The following CTPS1 variants were observed in gnomAD, a reference collection of about 807,000 sequenced individuals.
CTPS1 encodes CTP synthase 1.
Under a neutral mutation model 80.5 loss-of-function variants are expected in CTPS1, and 25 were observed. The ratio of observed to expected loss-of-function variants is 0.31; its 90% confidence interval spans 0.23 to 0.43. CTPS1 has a LOEUF of 0.43. Ranked by LOEUF, CTPS1 falls within the 20% of genes least tolerant of loss-of-function variation. CTPS1 has a pLI of 1.00. For missense variants in CTPS1, 442 were observed against 725.7 expected, an observed-to-expected ratio of 0.61 and a Z score of 4.49; for synonymous variants, 267 against 252.5, an observed-to-expected ratio of 1.06 and a Z score of -0.54.
rs1342152067 is a variant in CTPS1, at chr1:41,011,817, T to A, written c.*169T>A. 1.3e-5 allele frequency: 2 copies of A among 152,190 alleles called. No individual in the cohort carries two copies. Among genetic ancestry groups the A allele is most frequent in the Non-Finnish European group, 2.9e-5 (2 of 68,040 alleles). The allele number at this position is 152,190 out of a possible 1,614,324, so 9.4% of individuals were successfully genotyped here. ...TGTCACTTGCATGTCCCATCACGTG[T>A]ACTGGCTCCTCTGTGGTGTCTGCCT... On this transcript the variant is annotated 3_prime_UTR_variant, in exon 19 of 19. Coordinates refer to ENST00000650070, the MANE Select transcript of CTPS1 (RefSeq NM_001905.4).
At chr1:40,989,822 A>G (rs2148395732) in intron 5 of CTPS1, among the ~76,000 whole-genome samples, 1 of 152,350 alleles carries the variant, frequency 6.6e-6, no homozygotes, top group African/African-American at 2.4e-5. Context: ...AACAGAAAAG[A>G]ATCCTTGGAA....
At chr1:40,997,645 C>A in intron 9 of CTPS1, 119 bp downstream of exon 9, 1 of 1,245,018 alleles carries the variant, frequency 8.0e-7, no homozygotes, top group Non-Finnish European at 1.1e-6. Context: ...TAAGGAATTA[C>A]TTTTTAAGGA....
chr1:40,980,323 C>T (rs994922102), intron 1 of CTPS1: 3 of 151,966 alleles, frequency 2.0e-5, no homozygotes, highest in Admixed American at 1.3e-4. Context: ...CGGGGCTGGG[C>T]GCGGCAGCTC....
rs767739876 is a variant in CTPS1 at position 40,987,341 on chromosome 1, G to C, written c.338-31G>C. 75 of 1,511,116 alleles carry C rather than the reference G, an allele frequency of 5.0e-5. No individual in the cohort carries two copies. The East Asian group carries it at 1.4e-3, about 29-fold the overall frequency. The allele number at this position is 1,511,116 out of a possible 1,614,324, so 93.6% of individuals were successfully genotyped here. The stretch of plus-strand genomic sequence containing the variant: ...TCTCAATCAATGTAGATGGACAAGC[G>C]TAAGTTCCCTGTTTGTTTTCTTTTT... On this transcript the variant is annotated intron_variant, in intron 3 of 18. Coordinates refer to ENST00000650070, the MANE Select transcript of CTPS1 (RefSeq NM_001905.4).
intron 9 of CTPS1, chr1:41,000,758 G>A (rs1197367036): frequency 3.8e-5 from 7 of 182,346 alleles, no homozygotes; most frequent in South Asian, 1.4e-4. Flanking sequence ...GCTGAGACCC[G>A]ATCCTGAACA....
chr1:40,997,947 C>T (rs977813349), intron 9 of CTPS1, among the ~76,000 whole-genome samples: 71 of 152,136 alleles, frequency 4.7e-4, no homozygotes, highest in African/African-American at 1.6e-3. Flanking sequence ...ATTGACCTCA[C>T]GGAGCTGTGA....
At chr1:40,985,281 C>T (rs1202598116) in intron 3 of CTPS1, among the ~76,000 whole-genome samples, 2 of 152,198 alleles carry the variant, frequency 1.3e-5, no homozygotes, top group African/African-American at 4.8e-5. Flanking sequence ...TGTTTTTACA[C>T]AGTAATGAGT....
In CTPS1 at chr1:41,007,122, C is replaced by T. The variant is rs189881702; in HGVS notation, c.1297-327C>T. 5.4e-3 allele frequency among the ~76,000 whole-genome samples: 820 copies of T among 152,298 alleles called. 5 individuals carry two copies. Among genetic ancestry groups the T allele is most frequent in the Non-Finnish European group, 8.3e-3 (567 of 68,012 alleles). ...GGGCGATGACAGACATGTTATGACA[C>T]ATCCAGTCCGTGTCTGTGCTACTGT... On this transcript the variant is annotated intron_variant, in intron 13 of 18. Coordinates refer to ENST00000650070, the MANE Select transcript of CTPS1 (RefSeq NM_001905.4). This position sits in a 1 kb window ranked among gnomAD's most constrained non-coding sequence, Gnocchi z 4.4.
Position 41,000,943 on chromosome 1 carries a change from A to T in CTPS1, c.1006-86A>T, listed in dbSNP as rs1404609508. 8 of 812,588 alleles carry T rather than the reference A, an allele frequency of 9.8e-6. No individual in the cohort carries two copies. The African/African-American group carries it at 1.2e-4, about 13-fold the overall frequency. The allele number at this position is 812,588 out of a possible 1,614,324, so 50.3% of individuals were successfully genotyped here. The stretch of plus-strand genomic sequence containing the variant: ...GCCAGAATCAAGAAAGACAACTTTG[A>T]TAAAATGATAATATTATTTAAAAAT... On this transcript the variant is annotated intron_variant, in intron 9 of 18. Transcript: ENST00000650070.
intron 16 of CTPS1, 78 bp from the exon 17 acceptor site, chr1:41,009,367 A>G: frequency 2.9e-6 from 4 of 1,398,536 alleles, no homozygotes; most frequent in Middle Eastern, 1.9e-4. Flanking sequence ...GGAAACAAAC[A>G]TTTAAGCAGA....
intron 5 of CTPS1, among the ~76,000 whole-genome samples, chr1:40,989,876 A>C (rs1192901350): frequency 1.3e-5 from 2 of 152,228 alleles, no homozygotes; most frequent in South Asian, 4.1e-4. Context: ...AGAGAAAGTA[A>C]GTTGAGGAAA....
intron 1 of CTPS1, 87 bp from the exon 2 acceptor site, chr1:40,983,191 A>C: frequency 9.0e-7 from 1 of 1,114,036 alleles, no homozygotes; most frequent in East Asian, 2.5e-5. Context: ...GTTCATAGCT[A>C]ATAATTGGCA....
chr1:40,991,876 G>A, intron 7 of CTPS1, 31 bp downstream of exon 7: 1 of 1,550,658 alleles, frequency 6.4e-7, no homozygotes, highest in African/African-American at 1.4e-5. Flanking sequence ...CTAATAAGTT[G>A]TTTTTTGCTT....
intron 1 of CTPS1, chr1:40,980,313 C>T (rs902004022): frequency 6.6e-6 from 1 of 151,974 alleles, no homozygotes. Flanking sequence ...CTCAGCCGCC[C>T]GGGGCTGGGC....
At chr1:40,992,776 C>G (rs190089133) in intron 7 of CTPS1, among the ~76,000 whole-genome samples, 1 of 150,430 alleles carries the variant, frequency 6.6e-6, no homozygotes, top group African/African-American at 2.4e-5. Flanking sequence ...TCACTGTGAC[C>G]TCCACCTCCC....
At chr1:41,001,758 C>T (rs1642910128) in intron 10 of CTPS1, among the ~76,000 whole-genome samples, 1 of 152,000 alleles carries the variant, frequency 6.6e-6, no homozygotes, top group Admixed American at 6.6e-5. Flanking sequence ...ACAAAAACAA[C>T]AAAACCAGCT....
At position 41,007,589 on chromosome 1, in the gene CTPS1, C is replaced by A; in HGVS notation, c.1393+44C>A. 6.5e-7 allele frequency: 1 copy of A among 1,529,552 alleles called. No individual in the cohort carries two copies. The highest frequency in any genetic ancestry group is 9.0e-7 in the Non-Finnish European group (1 of 1,105,070). The allele number at this position is 1,529,552 out of a possible 1,614,324, so 94.7% of individuals were successfully genotyped here. A position where few individuals can be genotyped will look rare whatever the true frequency, so the allele number is the denominator to read the frequency against. On this transcript the variant is annotated intron_variant, in intron 14 of 18. Coordinates refer to ENST00000650070, the MANE Select transcript of CTPS1 (RefSeq NM_001905.4). The surrounding 1 kb of genome is among the most constrained non-coding windows in gnomAD (Gnocchi z 4.4). ...TGGCCCAGCCTTTGGCTCTGCGTGC[C>A]CAGGACGCGTGTCTTAGGGTGATGC...
chr1:40,980,132 T>TGGGCCGCGCC (rs1006042375), intron 1 of CTPS1: 1 of 151,234 alleles, frequency 6.6e-6, no homozygotes, highest in Non-Finnish European at 1.5e-5. Context: ...GCTGCCGCGC[T>TGGGCCGCGCC]GGGCCGCGCC....
rs1643198796 is a variant in CTPS1 at position 41,012,496 on chromosome 1, G to A, written c.*848G>A. 6.6e-6 allele frequency: 1 copy of A among 152,186 alleles called. No individual in the cohort carries two copies. The highest frequency in any genetic ancestry group is 1.5e-5 in the Non-Finnish European group (1 of 68,034). 9.4% of individuals were successfully genotyped at this position (152,186 alleles called of 1,614,324 possible). ...ACCTAGCAATAGGCATAGCTACGTGGCACTATATTCTGGCCAGACTCGATG... is the reference window on the plus strand; with the variant it reads ...ACCTAGCAATAGGCATAGCTACGTGACACTATATTCTGGCCAGACTCGATG... On this transcript the variant is annotated 3_prime_UTR_variant, in exon 19 of 19. Transcript: ENST00000650070.
Sources: allele counts gnomAD v4.1 joint callset (sites outside exome capture counted in the v4.1 genomes callset), GRCh38; gene constraint gnomAD v4.1.1; non-coding constraint Gnocchi (gnomAD v3.1); transcripts MANE v1.5; gene names NCBI Gene and HGNC (gene_info 2026-07-23, HGNC 2026-07-21).